Variants in CDH18 observed in about 807,000 individuals in gnomAD.
CDH18 encodes cadherin-18.
In CDH18, 31 loss-of-function variants were observed where a neutral mutation model predicts 67.9. The observed-to-expected ratio is 0.46, with a 90% confidence interval of 0.34 to 0.62. The LOEUF (loss-of-function observed/expected upper bound fraction) is 0.62, where lower values mean the gene tolerates loss of function less well. Among genes scored for constraint, CDH18 ranks in the 20% least tolerant of loss-of-function variants. The probability of loss-of-function intolerance (pLI) is 0.01; values close to 1 mark genes in which losing one functional copy is unlikely to be tolerated. For missense variants in CDH18, 890 were observed against 975.5 expected (o/e 0.91, Z 1.17); for synonymous variants, 362 against 347.2 (o/e 1.04, Z -0.48).
intron 1 of CDH18, among the ~76,000 whole-genome samples, chr5:20,392,570 A>ATAG (rs1360083761): frequency 2.6e-5 from 4 of 152,018 alleles, no homozygotes; most frequent in Admixed American, 2.6e-4. Context: ...TCCCCTTCTT[A>ATAG]TAGATGAGAA....
intron 10 of CDH18, among the ~76,000 whole-genome samples, chr5:19,511,663 A>G (rs1745136817): frequency 6.6e-6 from 1 of 152,130 alleles, no homozygotes; most frequent in African/African-American, 2.4e-5. Flanking sequence ...AACTTGAGAG[A>G]GATGATTTAG....
chr5:19,662,409 T>C (rs777301302), intron 5 of CDH18, among the ~76,000 whole-genome samples: 3 of 152,026 alleles, frequency 2.0e-5, no homozygotes, highest in Non-Finnish European at 4.4e-5. Flanking sequence ...TTTTTCTCAC[T>C]GTGCATAAAG....
chr5:20,485,630 C>A (rs1340321663), intron 1 of CDH18, among the ~76,000 whole-genome samples: 1 of 151,540 alleles, frequency 6.6e-6, no homozygotes, highest in Non-Finnish European at 1.5e-5. Flanking sequence ...TCAATTCTTC[C>A]ATCAAAATCT....
intron 5 of CDH18, among the ~76,000 whole-genome samples, chr5:19,638,992 T>TG (rs1753622565): frequency 9.9e-6 from 1 of 100,650 alleles, no homozygotes; most frequent in Admixed American, 1.1e-4. Flanking sequence ...TTTTTTTTTT[T>TG]TTTTTTTTTT....
chr5:20,302,493 G>A (rs546036834), intron 1 of CDH18, among the ~76,000 whole-genome samples: 3 of 152,114 alleles, frequency 2.0e-5, no homozygotes, highest in African/African-American at 7.2e-5. Context: ...CTCTCTGCGC[G>A]GATTCATCCA....
intron 3 of CDH18, among the ~76,000 whole-genome samples, chr5:19,806,071 A>T (rs1489873469): frequency 1.3e-5 from 2 of 152,332 alleles, no homozygotes; most frequent in Non-Finnish European, 2.9e-5. Context: ...TTGTCCTTGA[A>T]TGTGACACAT....
Position 20,536,940 on chromosome 5 carries a change from T to C in CDH18, c.-580+38522A>G, listed in dbSNP as rs192179860. ...GGTCTAAATGGTCTAAATCTGGAAG[T>C]AACCTCCACTGAATTAGCTAGGGCT... On this transcript the variant is annotated intron_variant, in intron 1 of 14. Transcript: ENST00000507958. Among the ~76,000 whole-genome samples the C allele has an allele frequency of 9.8e-4, 149 of 152,250 alleles. 1 individual carries two copies. Among genetic ancestry groups the C allele is most frequent in the Non-Finnish European group, 1.6e-3 (107 of 68,006 alleles).
chr5:20,288,586 T>C (rs556878539), intron 1 of CDH18, among the ~76,000 whole-genome samples: 9 of 151,758 alleles, frequency 5.9e-5, no homozygotes, highest in Non-Finnish European at 1.0e-4. Context: ...TCAAAATAAT[T>C]TGACTGCCAG....
chr5:20,275,090 T>A (rs991907827), intron 1 of CDH18, among the ~76,000 whole-genome samples: 9 of 152,164 alleles, frequency 5.9e-5, no homozygotes, highest in African/African-American at 9.7e-5. Flanking sequence ...AGATTTTTTT[T>A]TTATTATTTT....
intron 2 of CDH18, among the ~76,000 whole-genome samples, chr5:20,082,883 A>G (rs1227580359): frequency 6.6e-6 from 1 of 152,178 alleles, no homozygotes; most frequent in Non-Finnish European, 1.5e-5. Flanking sequence ...ATTCCTCCCC[A>G]CAGCTCTCAG....
chr5:20,501,090 C>T lies in CDH18; in HGVS notation c.-580+74372G>A, dbSNP rs533619080. On this transcript the variant is annotated intron_variant, in intron 1 of 14. Coordinates refer to the CDH18 transcript ENST00000507958. ...TCTTAAATGTGAGCATGACATCACA[C>T]AGCAAATAAAATGTCAATTCTGTCA... is the stretch of plus-strand genomic sequence containing the variant. Among the ~76,000 whole-genome samples the T allele has an allele frequency of 5.9e-4, 90 of 152,204 alleles. 2 individuals carry two copies. The highest frequency in any genetic ancestry group is 2.1e-3 in the African/African-American group (89 of 41,544).
intron 5 of CDH18, among the ~76,000 whole-genome samples, chr5:19,657,518 A>G (rs1002527536): frequency 3.3e-5 from 5 of 152,116 alleles, no homozygotes; most frequent in Middle Eastern, 3.2e-3. Context: ...TTATAGAAAT[A>G]TTTATCAATT....
chr5:19,893,998 C>T (rs1789040160), intron 2 of CDH18, among the ~76,000 whole-genome samples: 1 of 152,084 alleles, frequency 6.6e-6, no homozygotes, highest in African/African-American at 2.4e-5. Context: ...TACCCGCTAT[C>T]TTTTTGCTTT....
intron 1 of CDH18, among the ~76,000 whole-genome samples, chr5:20,274,518 T>A (rs916814112): frequency 2.0e-5 from 3 of 152,140 alleles, no homozygotes; most frequent in Admixed American, 6.6e-5. Context: ...AGAGATATAT[T>A]CCTTATCTTG....
intron 9 of CDH18, among the ~76,000 whole-genome samples, chr5:19,529,468 G>T (rs1748255802): frequency 6.6e-6 from 1 of 151,908 alleles, no homozygotes; most frequent in South Asian, 2.1e-4. Flanking sequence ...TATCTTTAGG[G>T]TTATAGTTAG....
intron 2 of CDH18, among the ~76,000 whole-genome samples, chr5:20,141,567 G>A (rs1177751908): frequency 6.6e-6 from 1 of 152,108 alleles, no homozygotes; most frequent in Non-Finnish European, 1.5e-5. Context: ...GTGGAATTTT[G>A]TTTTGTAATG....
chr5:19,745,035 G>A (rs1349407326), intron 4 of CDH18, among the ~76,000 whole-genome samples: 2 of 151,960 alleles, frequency 1.3e-5, no homozygotes, highest in Non-Finnish European at 2.9e-5. Flanking sequence ...TTTTCTCTAA[G>A]GACACATGTT....
chr5:19,523,708 G>C (rs1200087920), intron 9 of CDH18, among the ~76,000 whole-genome samples: 1 of 151,988 alleles, frequency 6.6e-6, no homozygotes, highest in African/African-American at 2.4e-5. Flanking sequence ...GACAAAGAAA[G>C]GCCTATAAAG....
At chr5:20,528,342 C>A (rs1000568210) in intron 1 of CDH18, among the ~76,000 whole-genome samples, 2 of 151,960 alleles carry the variant, frequency 1.3e-5, no homozygotes, top group Non-Finnish European at 1.5e-5. Flanking sequence ...TTAGACAGAT[C>A]ATTTAGACAG....
Sources: allele counts gnomAD v4.1 joint callset (sites outside exome capture counted in the v4.1 genomes callset), GRCh38; gene constraint gnomAD v4.1.1; transcripts MANE v1.5; gene names NCBI Gene and HGNC (gene_info 2026-07-23, HGNC 2026-07-21).